The following YBEY variants were observed in gnomAD, a reference collection of about 807,000 sequenced individuals.
YBEY encodes the protein ybeY metalloendoribonuclease.
YBEY carries 15 observed loss-of-function variants against 13.5 expected under a neutral mutation model. The ratio of observed to expected loss-of-function variants is 1.11; its 90% confidence interval spans 0.75 to 1.72. The LOEUF is 1.72. Among genes scored for constraint, YBEY ranks in the 40% most tolerant of loss-of-function variants. The pLI, the probability that YBEY is intolerant of heterozygous loss-of-function variation, is 0.00. For synonymous variants in YBEY, 101 were observed against 83.1 expected, an observed-to-expected ratio of 1.21 and a Z score of -1.17; for missense variants, 244 against 208.4, an observed-to-expected ratio of 1.17 and a Z score of -1.05.
At position 46,297,455 on chromosome 21, in the gene YBEY, GA is replaced by G. The variant is rs1373214027; in HGVS notation, c.409-83del. On this transcript the variant is annotated intron_variant, in intron 4 of 4. Coordinates refer to ENST00000397701, the MANE Select transcript of YBEY (RefSeq NM_001314025.2). ...GGCCGGCTTCCCCCAAACCCTGTGG[GA>G]GGGGCATCCCGAGGAGGCGACCCCA... is the stretch of plus-strand genomic sequence containing the variant. 9 of 1,245,720 alleles carry G rather than the reference GA, an allele frequency of 7.2e-6. No homozygotes were observed. The Admixed American group carries it at 2.5e-4, about 34-fold the overall frequency. 77.2% of individuals were successfully genotyped at this position (1,245,720 alleles called of 1,614,324 possible).
the YBEY span, among the ~76,000 whole-genome samples, chr21:46,308,738 C>T: frequency 1.3e-5 from 2 of 152,042 alleles, no homozygotes; most frequent in Non-Finnish European, 2.9e-5. Context: ...GTAAGGGGTA[C>T]TTGGATCATG....
chr21:46,291,648 TGAA>T (rs1356682395), intron 3 of YBEY, 186 bp downstream of exon 3: 2 of 1,391,100 alleles, frequency 1.4e-6, no homozygotes, highest in African/African-American at 1.5e-5. Context: ...ATGCCACAGT[TGAA>T]GGAGGGAGAG....
At chr21:46,302,111 G>C (rs1473526652), downstream of YBEY, 7 of 1,525,616 alleles carry the variant, frequency 4.6e-6, no homozygotes, top group Middle Eastern at 1.7e-4. Flanking sequence ...AGGCAGCCTT[G>C]GCCTGGCAGC....
the YBEY span, among the ~76,000 whole-genome samples, chr21:46,303,838 G>A: frequency 7.2e-6 from 1 of 139,462 alleles, no homozygotes; most frequent in African/African-American, 2.7e-5. Flanking sequence ...TGCAAGCTCC[G>A]CCTCCTGGGT....
chr21:46,306,061 C>G, the YBEY span, among the ~76,000 whole-genome samples: 1 of 125,808 alleles, frequency 7.9e-6, no homozygotes, highest in Admixed American at 8.9e-5. Context: ...TATAGCAACA[C>G]TGTGACTCAA....
At chr21:46,298,651 C>A (rs535874909), downstream of YBEY, among the ~76,000 whole-genome samples, 18 of 151,680 alleles carry the variant, frequency 1.2e-4, no homozygotes, top group East Asian at 1.9e-4. Flanking sequence ...GGATGGTCTC[C>A]ATCTCCTGAC....
rs58271568 is a variant in YBEY, at chr21:46,287,125, T to TAAAA, written c.210+9_210+12dup. The TAAAA allele has an allele frequency of 0.025, 36,941 of 1,477,522 alleles. 86 individuals are homozygous for TAAAA. Among genetic ancestry groups the TAAAA allele is most frequent in the Admixed American group, 0.03 (1,360 of 45,600 alleles). 91.5% of individuals were successfully genotyped at this position (1,477,522 alleles called of 1,614,324 possible). ...GTGCTTTCTTTTCCATTTCATGAGG[T>TAAAA]AAAAAAAAAATGTTCCTCTTCTTGT... On this transcript the variant is annotated splice_region_variant and intron_variant, in intron 2 of 4. Transcript: ENST00000397701.
chr21:46,310,487 A>C, the YBEY span, among the ~76,000 whole-genome samples: 1 of 148,228 alleles, frequency 6.7e-6, no homozygotes, highest in African/African-American at 2.6e-5. Flanking sequence ...CAGAACAAAA[A>C]AAATAAAAAT....
chr21:46,291,934 A>C, intron 3 of YBEY: 1 of 701,222 alleles, frequency 1.4e-6, no homozygotes, highest in Non-Finnish European at 1.8e-6. Context: ...GAGCTAGCCA[A>C]GCAGAAAGGC....
At chr21:46,301,104 T>G (rs918970543), downstream of YBEY, 34 of 1,007,648 alleles carry the variant, frequency 3.4e-5, no homozygotes, top group Middle Eastern at 5.1e-4. Flanking sequence ...TTTTATTAAC[T>G]CAAAAGGGAT....
intron 4 of YBEY, among the ~76,000 whole-genome samples, chr21:46,297,249 TC>T (rs2081981272): frequency 6.7e-6 from 1 of 149,088 alleles, no homozygotes; most frequent in Admixed American, 6.6e-5. Context: ...CAGTGAGCCC[TC>T]CTCCCCTCCT....
chr21:46,291,343 G>T lies in YBEY; in HGVS notation c.220G>T (p.Ala74Ser). Reference protein sequence around the residue: ...LSFPFHEHLKAGEFPQPDFPD... With the variant: ...LSFPFHEHLKSGEFPQPDFPD... ...TTTCCTCATTTTTTAGCATCTGAAA[G>T]CAGGTGAATTTCCCCAGCCTGATTT... Residue 74 changes from alanine to serine, a missense_variant, in exon 3 of 5, where the codon GCA becomes TCA. Transcript: ENST00000397701. 1 of 1,614,018 alleles carries T rather than the reference G, an allele frequency of 6.2e-7. No individual in the cohort carries two copies. Among genetic ancestry groups the T allele is most frequent in the Non-Finnish European group, 8.5e-7 (1 of 1,180,008 alleles).
At chr21:46,311,942 T>TCCAC in the YBEY span, among the ~76,000 whole-genome samples, 2 of 102,304 alleles carry the variant, frequency 2.0e-5, no homozygotes, top group Admixed American at 1.0e-4. Flanking sequence ...CAACCAACCA[T>TCCAC]CCACCCACCC....
At chr21:46,293,391 A>G (rs2081821320) in intron 3 of YBEY, among the ~76,000 whole-genome samples, 1 of 25,808 alleles carries the variant, frequency 3.9e-5, no homozygotes, top group African/African-American at 1.2e-4. Flanking sequence ...TCTAGATTAA[A>G]TTCCTCCCGC....
chr21:46,289,473 G>C (rs113617774), intron 2 of YBEY, among the ~76,000 whole-genome samples: 7 of 124,632 alleles, frequency 5.6e-5, no homozygotes, highest in African/African-American at 1.9e-4. Context: ...TGAGACGGAG[G>C]CTTGCTCTGT....
At chr21:46,295,316 C>G (rs548445635) in intron 3 of YBEY, among the ~76,000 whole-genome samples, 15 of 152,150 alleles carry the variant, frequency 9.9e-5, no homozygotes, top group South Asian at 2.1e-4. Flanking sequence ...TCTACCCTGC[C>G]TTGTCCTCCA....
the YBEY span, chr21:46,313,075 C>T: frequency 1.0e-6 from 1 of 985,352 alleles, no homozygotes; most frequent in Non-Finnish European, 1.2e-6. Context: ...CAAGAGTTGG[C>T]AAACTTTTGC....
the YBEY span, among the ~76,000 whole-genome samples, chr21:46,310,884 T>A: frequency 6.6e-6 from 1 of 152,028 alleles, no homozygotes; most frequent in Non-Finnish European, 1.5e-5. Context: ...TATTATTATT[T>A]TTGAGACAGA....
the YBEY span, among the ~76,000 whole-genome samples, chr21:46,309,623 T>C: frequency 6.6e-6 from 1 of 152,124 alleles, no homozygotes; most frequent in African/African-American, 2.4e-5. Flanking sequence ...CCAACGACAG[T>C]GATGAATCTT....
Sources: gnomAD v4.1 joint callset for allele counts (sites outside exome capture counted in the v4.1 genomes callset) on GRCh38, gnomAD v4.1.1 for gene constraint, MANE v1.5 for transcripts, NCBI Gene and HGNC (gene_info 2026-07-23, HGNC 2026-07-21) for gene names.